NRG3: variants seen among roughly 807,000 people sequenced by gnomAD.
NRG3 encodes neuregulin 3, also known as pro-neuregulin-3, membrane-bound isoform.
NRG3 carries 31 observed loss-of-function variants against 66.9 expected under a neutral mutation model. That is an observed-to-expected ratio of 0.46 (90% CI 0.35 to 0.63). The LOEUF (loss-of-function observed/expected upper bound fraction) is 0.63, where lower values mean the gene tolerates loss of function less well. Ranked by LOEUF, NRG3 falls within the 20% of genes least tolerant of loss-of-function variation. The pLI, the probability that NRG3 is intolerant of heterozygous loss-of-function variation, is 0.00. For synonymous variants in NRG3, 393 were observed against 359.4 expected, an observed-to-expected ratio of 1.09 and a Z score of -1.06; for missense variants, 910 against 878.9, an observed-to-expected ratio of 1.04 and a Z score of -0.45.
chr10:82,694,583 G>C (rs770853298), intron 2 of NRG3, among the ~76,000 whole-genome samples: 10 of 151,944 alleles, frequency 6.6e-5, no homozygotes, highest in Non-Finnish European at 8.8e-5. Context: ...GTGAAACCCT[G>C]TCTCTACTAA....
chr10:82,435,613 T>C (rs935824366), intron 2 of NRG3, among the ~76,000 whole-genome samples: 2 of 152,090 alleles, frequency 1.3e-5, no homozygotes, highest in African/African-American at 4.8e-5. Flanking sequence ...TTAACACTGC[T>C]TTAACTGTGT....
chr10:82,491,327 G>GTATATATATA (rs1843128206), intron 2 of NRG3, among the ~76,000 whole-genome samples: 1 of 40,958 alleles, frequency 2.4e-5, no homozygotes, highest in Admixed American at 2.4e-4. Context: ...AAATAAAGAT[G>GTATATATATA]CATCGCTTTC....
intron 1 of NRG3, among the ~76,000 whole-genome samples, chr10:81,926,099 T>A (rs1168436805): frequency 6.6e-6 from 1 of 151,942 alleles, no homozygotes; most frequent in Non-Finnish European, 1.5e-5. Context: ...GCAAGGGCCA[T>A]ATTGCTACTT....
At chr10:81,930,354 CAG>C (rs1456383746) in intron 1 of NRG3, among the ~76,000 whole-genome samples, 1 of 152,084 alleles carries the variant, frequency 6.6e-6, no homozygotes, top group African/African-American at 2.4e-5. Context: ...TAGAATGACA[CAG>C]AATTCAGGAA....
At chr10:82,747,894 A>G (rs916012246) in intron 3 of NRG3, among the ~76,000 whole-genome samples, 1 of 151,878 alleles carries the variant, frequency 6.6e-6, no homozygotes, top group African/African-American at 2.4e-5. Context: ...AAATGAATTA[A>G]CAGTAATTAA....
chr10:82,521,773 G>A lies in NRG3; in HGVS notation c.953+162905G>A, dbSNP rs78661749. ...CCACAATAGAACTTCTTTAAAAATT[G>A]GGGTCAATCCTCTCAAACCCAGCAG... On this transcript the variant is annotated intron_variant, in intron 2 of 8. Transcript: ENST00000372141. Among the ~76,000 whole-genome samples, 205 of 152,194 alleles carry A rather than the reference G, an allele frequency of 1.3e-3. 1 individual carries two copies. The East Asian group carries it at 0.025, about 18-fold the overall frequency.
chr10:82,595,013 G>T (rs866774801), intron 2 of NRG3, among the ~76,000 whole-genome samples: 1 of 151,592 alleles, frequency 6.6e-6, no homozygotes, highest in Middle Eastern at 3.4e-3. Flanking sequence ...TAGAGATGGG[G>T]TCTTGCTATG....
At chr10:81,895,791 A>G (rs2132604857) in intron 1 of NRG3, among the ~76,000 whole-genome samples, 1 of 152,274 alleles carries the variant, frequency 6.6e-6, no homozygotes, top group Middle Eastern at 3.4e-3. Flanking sequence ...TCATTCGCAA[A>G]AAGTGAGGGA....
intron 2 of NRG3, among the ~76,000 whole-genome samples, chr10:82,635,120 C>G (rs796094726): frequency 6.6e-6 from 1 of 152,140 alleles, no homozygotes; most frequent in African/African-American, 2.4e-5. Flanking sequence ...GGCTTCATAT[C>G]AAACTACAAG....
At chr10:82,700,137 T>A (rs2246386) in intron 2 of NRG3, among the ~76,000 whole-genome samples, 3 of 151,976 alleles carry the variant, frequency 2.0e-5, no homozygotes, top group Admixed American at 6.6e-5. Flanking sequence ...ACAGACATTG[T>A]GAGTGAAAAT....
intron 2 of NRG3, among the ~76,000 whole-genome samples, chr10:82,460,974 C>A (rs1308431370): frequency 6.6e-6 from 1 of 152,162 alleles, no homozygotes; most frequent in Admixed American, 6.6e-5. Context: ...AGTTATACTT[C>A]TTTATGTGCT....
intron 2 of NRG3, among the ~76,000 whole-genome samples, chr10:82,727,908 G>A (rs114551361): frequency 9.1e-4 from 139 of 152,252 alleles, no homozygotes; most frequent in African/African-American, 3.2e-3. Flanking sequence ...TGACCCAGAT[G>A]AGAGACATGG....
intron 2 of NRG3, among the ~76,000 whole-genome samples, chr10:82,527,069 A>G (rs1482432261): frequency 6.6e-6 from 1 of 152,132 alleles, no homozygotes; most frequent in Non-Finnish European, 1.5e-5. Context: ...TAGGGCATAT[A>G]TTCAGGAATG....
intron 1 of NRG3, among the ~76,000 whole-genome samples, chr10:82,315,359 G>T (rs767174131): frequency 2.0e-5 from 3 of 152,158 alleles, no homozygotes; most frequent in Admixed American, 2.0e-4. Context: ...TTTCAGGAAC[G>T]ATTTCAGTTT....
chr10:82,846,980 T>C (rs917654902), intron 3 of NRG3, among the ~76,000 whole-genome samples: 1 of 152,162 alleles, frequency 6.6e-6, no homozygotes, highest in South Asian at 2.1e-4. Flanking sequence ...TTTTCTGAAG[T>C]TGTGGGAAGT....
chr10:82,248,753 G>A (rs1479130207), intron 1 of NRG3, among the ~76,000 whole-genome samples: 1 of 152,110 alleles, frequency 6.6e-6, no homozygotes, highest in Non-Finnish European at 1.5e-5. Flanking sequence ...CTTGCTTCCA[G>A]TACATTCTGT....
intron 2 of NRG3, among the ~76,000 whole-genome samples, chr10:82,365,368 G>A (rs2084457286): frequency 1.3e-5 from 2 of 152,180 alleles, no homozygotes; most frequent in Non-Finnish European, 2.9e-5. Flanking sequence ...AACCTTAGAA[G>A]AATTTGCAAG....
intron 2 of NRG3, among the ~76,000 whole-genome samples, chr10:82,475,112 A>G (rs1590260536): frequency 6.6e-6 from 1 of 152,072 alleles, no homozygotes; most frequent in East Asian, 1.9e-4. Context: ...TGGAGCAGAT[A>G]GACACAAAAT....
chr10:81,888,623 A>T (rs946715866), intron 1 of NRG3, among the ~76,000 whole-genome samples: 18 of 152,114 alleles, frequency 1.2e-4, no homozygotes, highest in Non-Finnish European at 2.9e-5. Flanking sequence ...AGGCCCAGGG[A>T]GGGAAAGGTC....
Sources: gnomAD v4.1 joint callset for allele counts (sites outside exome capture counted in the v4.1 genomes callset) on GRCh38, gnomAD v4.1.1 for gene constraint, MANE v1.5 for transcripts, NCBI Gene and HGNC (gene_info 2026-07-23, HGNC 2026-07-21) for gene names.